Variants in MERTK observed in about 807,000 individuals in gnomAD.
MERTK encodes the protein MER proto-oncogene, tyrosine kinase.
In MERTK, 69 loss-of-function variants were observed where a neutral mutation model predicts 99.3. The observed-to-expected ratio is 0.70, with a 90% CI of 0.57 to 0.85. MERTK has a LOEUF of 0.85. Among genes scored for constraint, MERTK ranks in the 40% least tolerant of loss-of-function variants. The pLI is 0.00. For missense variants in MERTK, 1,125 were observed against 1,249.4 expected (o/e 0.90, Z 1.50); for synonymous variants, 426 against 467.6 (o/e 0.91, Z 1.15).
chr2:111,997,120 T>C (rs1209622380), intron 9 of MERTK: 3 of 743,592 alleles, frequency 4.0e-6, no homozygotes, highest in Non-Finnish European at 7.3e-6. Context: ...TGTTATGGAA[T>C]GAGTAAATCA....
At chr2:111,909,443 C>T (rs150406081) in intron 1 of MERTK, among the ~76,000 whole-genome samples, 1,785 of 152,172 alleles carry the variant, frequency 0.012, 13 homozygotes, top group Non-Finnish European at 0.018. Context: ...AAGAAATTCC[C>T]CAGACCTCCA....
chr2:112,022,473 C>T, intron 18 of MERTK, 79 bp downstream of exon 18: 1 of 1,597,410 alleles, frequency 6.3e-7, no homozygotes, highest in Non-Finnish European at 8.6e-7. Context: ...GGAAACACAG[C>T]CATGGGAGGG....
intron 16 of MERTK, chr2:112,020,743 G>A (rs1370752245): frequency 1.1e-5 from 5 of 467,584 alleles, no homozygotes; most frequent in Non-Finnish European, 2.2e-5. Flanking sequence ...GAAGGCTGCT[G>A]GGGTCCTGGA....
At chr2:111,947,661 G>C in intron 4 of MERTK, 94 bp downstream of exon 4, 1 of 1,429,372 alleles carries the variant, frequency 7.0e-7, no homozygotes, top group South Asian at 1.2e-5. Flanking sequence ...AGCAGGCAGT[G>C]GAGACAGATG....
intron 1 of MERTK, among the ~76,000 whole-genome samples, chr2:111,901,075 A>C (rs1684033887): frequency 6.6e-6 from 1 of 152,166 alleles, no homozygotes; most frequent in Non-Finnish European, 1.5e-5. Flanking sequence ...AAAGACATGC[A>C]CACACAGAAC....
At chr2:111,966,441 A>G (rs1208176098) in intron 5 of MERTK, among the ~76,000 whole-genome samples, 1 of 152,202 alleles carries the variant, frequency 6.6e-6, no homozygotes, top group Non-Finnish European at 1.5e-5. Context: ...CATTATTACA[A>G]TTTCCAAAAG....
intron 8 of MERTK, among the ~76,000 whole-genome samples, chr2:111,991,473 A>T (rs1316165013): frequency 1.3e-5 from 2 of 151,978 alleles, no homozygotes; most frequent in East Asian, 3.9e-4. Flanking sequence ...TTATCTGCCC[A>T]CCTCAGCCTC....
intron 15 of MERTK, among the ~76,000 whole-genome samples, chr2:112,012,353 A>C (rs1677124465): frequency 7.6e-6 from 1 of 132,278 alleles, no homozygotes. Context: ...GGGAAGCCAC[A>C]TTCCTTCTAA....
chr2:112,026,055 C>T (rs1677454574), intron 18 of MERTK: 1 of 153,808 alleles, frequency 6.5e-6, no homozygotes, highest in African/African-American at 2.4e-5. Context: ...AATTACCAAA[C>T]TTATTTTTCT....
At chr2:111,905,658 A>G (rs1684124520) in intron 1 of MERTK, among the ~76,000 whole-genome samples, 1 of 151,832 alleles carries the variant, frequency 6.6e-6, no homozygotes, top group East Asian at 1.9e-4. Flanking sequence ...TAGTAGAGAC[A>G]ACGTTTCACA....
At position 111,957,464 on chromosome 2, in the gene MERTK, A is replaced by ACC. The variant is rs537576450; in HGVS notation, c.758-7721_758-7720dup. On this transcript the variant is annotated intron_variant, in intron 4 of 18. Coordinates refer to ENST00000295408, the MANE Select transcript of MERTK (RefSeq NM_006343.3). ...CATTTCTCAAGGAACCACCTCTGATACCCCCCCGCCCATCATTTAAAATTA... is the reference window on the plus strand; with the variant it reads ...CATTTCTCAAGGAACCACCTCTGATACCCCCCCCCGCCCATCATTTAAAATTA... Among the ~76,000 whole-genome samples the ACC allele has an allele frequency of 5.0e-3, 762 of 151,044 alleles. 9 individuals are homozygous for ACC. Among genetic ancestry groups the ACC allele is most frequent in the African/African-American group, 0.018 (734 of 41,020 alleles).
intron 10 of MERTK, among the ~76,000 whole-genome samples, chr2:111,999,038 CA>C (rs1433411691): frequency 2.6e-5 from 4 of 152,008 alleles, no homozygotes; most frequent in African/African-American, 9.7e-5. Flanking sequence ...ATCGAATAGT[CA>C]AAAGGAGAAA....
chr2:112,007,649 A>G (rs36036447), intron 13 of MERTK, among the ~76,000 whole-genome samples: 10,864 of 152,218 alleles, frequency 0.071, 502 homozygotes, highest in Middle Eastern at 0.15. Flanking sequence ...CATAATACAG[A>G]ATTTTAAATG....
At chr2:112,017,318 A>G (rs1205383330) in intron 15 of MERTK, among the ~76,000 whole-genome samples, 5 of 152,108 alleles carry the variant, frequency 3.3e-5, no homozygotes, top group Non-Finnish European at 1.5e-5. Flanking sequence ...TCCTTTAGCT[A>G]GACACGGAGC....
In MERTK at chr2:112,021,591, C is replaced by T. The variant is rs1426699324; in HGVS notation, c.2349+10C>T. 1.2e-6 allele frequency: 2 copies of T among 1,608,530 alleles called. No homozygotes were observed. On this transcript the variant is annotated intron_variant, in intron 17 of 18. Transcript: ENST00000295408. ...AAGTAAAAGTGATGTGGTATGTACA[C>T]AGCTTTGATTCAGGGGTCCCACAGC...
chr2:111,899,629 T>A (rs763558995), intron 1 of MERTK, among the ~76,000 whole-genome samples: 17 of 152,068 alleles, frequency 1.1e-4, no homozygotes, highest in Admixed American at 6.5e-4. Flanking sequence ...GCGATTCTCC[T>A]GCCTCAGCCT....
intron 1 of MERTK, among the ~76,000 whole-genome samples, chr2:111,925,974 C>T (rs1232375991): frequency 1.3e-5 from 2 of 151,758 alleles, no homozygotes; most frequent in Admixed American, 6.6e-5. Context: ...TGGGACTACC[C>T]GTGTCTGCCA....
rs567138317 is a variant in MERTK at position 111,936,935 on chromosome 2, G to A, written c.482+7395G>A. Among the ~76,000 whole-genome samples, 11 of 152,172 alleles carry A rather than the reference G, an allele frequency of 7.2e-5. No homozygotes were observed. The East Asian group carries it at 1.7e-3, about 24-fold the overall frequency. ...GGGTGGAAATGTGCCCTGGTCAGGC[G>A]CAACACTCCAGAAGGGCAGCAGCCA... is the stretch of plus-strand genomic sequence containing the variant. On this transcript the variant is annotated intron_variant, in intron 2 of 18. Coordinates refer to ENST00000295408, the MANE Select transcript of MERTK (RefSeq NM_006343.3).
chr2:111,955,304 G>A (rs182244376), intron 4 of MERTK, among the ~76,000 whole-genome samples: 1 of 152,286 alleles, frequency 6.6e-6, no homozygotes, highest in Non-Finnish European at 1.5e-5. Context: ...TTTGTCTAAA[G>A]GACATTATTC....
Sources: allele counts gnomAD v4.1 joint callset (sites outside exome capture counted in the v4.1 genomes callset), GRCh38; gene constraint gnomAD v4.1.1; transcripts MANE v1.5; gene names NCBI Gene and HGNC (gene_info 2026-07-23, HGNC 2026-07-21).